The following SEL1L2 variants were observed in gnomAD, a reference collection of about 807,000 sequenced individuals.
The protein encoded by SEL1L2 is protein sel-1 homolog 2.
SEL1L2 carries 89 observed loss-of-function variants against 98.8 expected under a neutral mutation model. That is an observed-to-expected ratio of 0.90 (90% confidence interval 0.76 to 1.07). The LOEUF is 1.07. Ranked by LOEUF, SEL1L2 falls within the 50% of genes least tolerant of loss-of-function variation. The probability of loss-of-function intolerance (pLI) is 0.00; values close to 1 mark genes in which losing one functional copy is unlikely to be tolerated. For missense variants in SEL1L2, 788 were observed against 812.0 expected, an observed-to-expected ratio of 0.97 and a Z score of 0.36; for synonymous variants, 262 against 278.5, an observed-to-expected ratio of 0.94 and a Z score of 0.59.
intron 4 of SEL1L2, among the ~76,000 whole-genome samples, chr20:13,918,247 C>T (rs1017638112): frequency 2.0e-5 from 3 of 152,142 alleles, no homozygotes; most frequent in Non-Finnish European, 4.4e-5. Flanking sequence ...ATTGCATTAT[C>T]CGGGTCACAG....
At chr20:13,935,745 A>T (rs1029386939) in intron 2 of SEL1L2, among the ~76,000 whole-genome samples, 1 of 152,124 alleles carries the variant, frequency 6.6e-6, no homozygotes, top group African/African-American at 2.4e-5. Context: ...CAGAGGAGTG[A>T]TATTAACTGA....
rs386365633 is a variant in SEL1L2, at chr20:13,939,040, G to GTTTTTTTTTTTTTT, written c.115-7283_115-7270dup. 8.8e-5 allele frequency among the ~76,000 whole-genome samples: 10 copies of GTTTTTTTTTTTTTT among 114,088 alleles called. 1 individual carries two copies. The highest frequency in any genetic ancestry group is 3.5e-4 in the African/African-American group (10 of 28,896). The allele number at this position is 114,088 out of a possible 152,430, so 74.8% of individuals were successfully genotyped here. A position where few individuals can be genotyped will look rare whatever the true frequency, so the allele number is the denominator to read the frequency against. ...TCTTTTTGGTTTGTTTGCTTGTTTT[G>GTTTTTTTTTTTTTT]TTTTTTTTTTTTTTTTTTTCTGAGA... On this transcript the variant is annotated intron_variant, in intron 2 of 19. Transcript: ENST00000284951.
intron 10 of SEL1L2, 52 bp downstream of exon 10, chr20:13,885,295 C>T: frequency 7.6e-6 from 9 of 1,190,504 alleles, no homozygotes; most frequent in Non-Finnish European, 1.1e-5. Flanking sequence ...TGCCAGCCTC[C>T]CTCACCACTA....
intron 1 of SEL1L2, among the ~76,000 whole-genome samples, chr20:13,966,622 C>T (rs1212009386): frequency 1.3e-5 from 2 of 151,778 alleles, no homozygotes; most frequent in African/African-American, 4.8e-5. Flanking sequence ...GCCTGGCCAC[C>T]AAATGATGCT....
At chr20:13,907,145 C>A in intron 5 of SEL1L2, among the ~76,000 whole-genome samples, 1 of 152,028 alleles carries the variant, frequency 6.6e-6, no homozygotes, top group East Asian at 1.9e-4. Flanking sequence ...TTCTTATAAT[C>A]CACAGCAAAA....
chr20:13,867,755 C>T (rs1286117993), intron 14 of SEL1L2, among the ~76,000 whole-genome samples: 1 of 152,120 alleles, frequency 6.6e-6, no homozygotes, highest in East Asian at 1.9e-4. Context: ...TATACATTAG[C>T]CATGACTATT....
chr20:13,914,605 C>T (rs1909843767), intron 4 of SEL1L2, among the ~76,000 whole-genome samples: 1 of 152,146 alleles, frequency 6.6e-6, no homozygotes, highest in Admixed American at 6.6e-5. Context: ...TTTTCTGTGA[C>T]CCTCTAATCT....
Position 13,849,381 on chromosome 20 carries a change from G to A in SEL1L2, c.*104C>T. The A allele has an allele frequency of 6.9e-7, 1 of 1,441,932 alleles. No homozygotes were observed. Among genetic ancestry groups the A allele is most frequent in the Admixed American group, 1.9e-5 (1 of 53,026 alleles). 89.3% of individuals were successfully genotyped at this position (1,441,932 alleles called of 1,614,324 possible). On this transcript the variant is annotated 3_prime_UTR_variant, in exon 20 of 20. Coordinates refer to ENST00000284951, the MANE Select transcript of SEL1L2 (RefSeq NM_025229.2). Reference sequence around the variant, plus strand: ...CTGTTTCCCATCACAGCCCTGAGCGGGAAACTGCAGCGGACTCTTGATTTG... The same window carrying A: ...CTGTTTCCCATCACAGCCCTGAGCGAGAAACTGCAGCGGACTCTTGATTTG...
chr20:13,934,490 T>TATATATATTC (rs1568998549), intron 2 of SEL1L2, among the ~76,000 whole-genome samples: 2 of 9,046 alleles, frequency 2.2e-4, no homozygotes, highest in Non-Finnish European at 7.0e-4. Context: ...TATATATATG[T>TATATATATTC]CACAGTTTCT....
At chr20:13,976,568 A>G (rs558026533) in intron 1 of SEL1L2, among the ~76,000 whole-genome samples, 32 of 152,272 alleles carry the variant, frequency 2.1e-4, no homozygotes, top group African/African-American at 7.7e-4. Context: ...GACAAAATAG[A>G]AAGGAAGCTA....
chr20:13,908,040 C>G, intron 5 of SEL1L2, among the ~76,000 whole-genome samples: 1 of 149,706 alleles, frequency 6.7e-6, no homozygotes, highest in Non-Finnish European at 1.5e-5. Context: ...CCCGCCTCAG[C>G]CTCCCAAAGT....
Position 13,919,124 on chromosome 20 carries a change from C to G in SEL1L2, c.284-1G>C. ...AAATTTTTCTCTGCTTGCTTTTGTA[C>G]TATACATGAACAAACAAAAAATAAA... On this transcript the variant is annotated splice_acceptor_variant, in intron 3 of 19. Coordinates refer to ENST00000284951, the MANE Select transcript of SEL1L2 (RefSeq NM_025229.2). LOFTEE classifies it high-confidence loss of function. The G allele has an allele frequency of 6.4e-7, 1 of 1,560,104 alleles. No homozygotes were observed. The highest frequency in any genetic ancestry group is 8.8e-7 in the Non-Finnish European group (1 of 1,133,938).
At chr20:13,858,454 G>T (rs1989515064) in intron 18 of SEL1L2, among the ~76,000 whole-genome samples, 1 of 152,110 alleles carries the variant, frequency 6.6e-6, no homozygotes, top group African/African-American at 2.4e-5. Flanking sequence ...TTGGCCAAAT[G>T]ACATAACCTC....
intron 18 of SEL1L2, among the ~76,000 whole-genome samples, chr20:13,852,690 A>G (rs1400841593): frequency 6.6e-6 from 1 of 152,248 alleles, no homozygotes; most frequent in African/African-American, 2.4e-5. Flanking sequence ...TTAAAAGAAC[A>G]TGTTTTTAAC....
At chr20:13,921,332 C>T (rs2048660141) in intron 3 of SEL1L2, among the ~76,000 whole-genome samples, 1 of 152,146 alleles carries the variant, frequency 6.6e-6, no homozygotes, top group African/African-American at 2.4e-5. Context: ...CCACCACGCC[C>T]AGCTAATTTT....
At chr20:13,853,524 T>G (rs1988640382) in intron 18 of SEL1L2, among the ~76,000 whole-genome samples, 1 of 152,184 alleles carries the variant, frequency 6.6e-6, no homozygotes, top group African/African-American at 2.4e-5. Flanking sequence ...TAGTCTACAA[T>G]ATTTTTAACG....
At chr20:13,932,669 G>A (rs1318658539) in intron 2 of SEL1L2, among the ~76,000 whole-genome samples, 1 of 152,094 alleles carries the variant, frequency 6.6e-6, no homozygotes, top group African/African-American at 2.4e-5. Context: ...GACCTCAGGT[G>A]ATCTGCCCGC....
intron 3 of SEL1L2, among the ~76,000 whole-genome samples, chr20:13,920,586 T>C (rs1372071383): frequency 2.7e-5 from 4 of 150,436 alleles, no homozygotes; most frequent in Non-Finnish European, 4.4e-5. Flanking sequence ...CACTCTCACA[T>C]ACACACACAC....
At position 13,986,979 on chromosome 20, in the gene SEL1L2, C is replaced by T. The variant is rs1346303180; in HGVS notation, c.58+3498G>A. Among the ~76,000 whole-genome samples, 4 of 151,778 alleles carry T rather than the reference C, an allele frequency of 2.6e-5. No individual in the cohort carries two copies. The East Asian group carries it at 7.9e-4, about 30-fold the overall frequency. On this transcript the variant is annotated intron_variant, in intron 1 of 19. Transcript: ENST00000284951. Reference sequence around the variant, plus strand: ...TCCCGAGTAGCTGGGACTACAGGTGCCCGCCACAAGTCCAGCTAATTTTTT... The same window carrying T: ...TCCCGAGTAGCTGGGACTACAGGTGTCCGCCACAAGTCCAGCTAATTTTTT...
Sources: allele counts gnomAD v4.1 joint callset (sites outside exome capture counted in the v4.1 genomes callset), GRCh38; gene constraint gnomAD v4.1.1; transcripts MANE v1.5; gene names NCBI Gene and HGNC (gene_info 2026-07-23, HGNC 2026-07-21).